Variants in PRKG1 observed in about 807,000 individuals in gnomAD.
The protein encoded by PRKG1 is cGMP-dependent protein kinase 1.
PRKG1 carries 35 observed loss-of-function variants against 88.1 expected under a neutral mutation model. The observed-to-expected ratio is 0.40, with a 90% CI of 0.30 to 0.53. The LOEUF is 0.53. PRKG1 is among the 20% of genes least tolerant of loss of function. The pLI, the probability that PRKG1 is intolerant of heterozygous loss-of-function variation, is 0.59. For missense variants in PRKG1, 540 were observed against 839.8 expected (o/e 0.64, Z 4.41); for synonymous variants, 303 against 292.5 (o/e 1.04, Z -0.37).
chr10:51,626,021 G>A (rs372860260), intron 3 of PRKG1, among the ~76,000 whole-genome samples: 78 of 152,216 alleles, frequency 5.1e-4, no homozygotes, highest in African/African-American at 1.7e-3. Flanking sequence ...TATTTTACTT[G>A]CTGCACGACA....
rs1554839812 is a variant in PRKG1 at position 51,138,683 on chromosome 10, T to TTG, written c.312-14480_312-14479insGT. 6.5e-4 allele frequency among the ~76,000 whole-genome samples: 83 copies of TTG among 128,076 alleles called. 1 individual carries two copies. The highest frequency in any genetic ancestry group is 2.2e-3 in the African/African-American group (78 of 35,008). 84.0% of individuals were successfully genotyped at this position (128,076 alleles called of 152,430 possible). A position where few individuals can be genotyped will look rare whatever the true frequency, so the allele number is the denominator to read the frequency against. ...TTTGGACATTGAGTTTTGTTTTTTT[T>TTG]TTTTTTTTTTTTTTTTTTGAGACAG... On this transcript the variant is annotated intron_variant, in intron 1 of 17. Coordinates refer to ENST00000373980, the MANE Select transcript of PRKG1 (RefSeq NM_006258.4).
chr10:51,387,717 C>T (rs1837289941), intron 2 of PRKG1, among the ~76,000 whole-genome samples: 1 of 152,104 alleles, frequency 6.6e-6, no homozygotes, highest in Admixed American at 6.6e-5. Flanking sequence ...TTTGCTAACT[C>T]CCTTTAGTTG....
chr10:51,566,078 T>C (rs546994330), intron 3 of PRKG1, among the ~76,000 whole-genome samples: 25 of 152,258 alleles, frequency 1.6e-4, no homozygotes, highest in African/African-American at 5.8e-4. Context: ...ATATAATGAT[T>C]GGTATCACTA....
intron 1 of PRKG1, among the ~76,000 whole-genome samples, chr10:51,096,696 T>A (rs576769977): frequency 6.6e-6 from 1 of 152,204 alleles, no homozygotes; most frequent in Admixed American, 6.5e-5. Context: ...ACAGAGATAA[T>A]AATAGTGTCC....
chr10:51,749,959 A>G (rs373802776), intron 3 of PRKG1, among the ~76,000 whole-genome samples: 2 of 143,952 alleles, frequency 1.4e-5, no homozygotes, highest in East Asian at 4.0e-4. Context: ...TTCCTGTGAC[A>G]GAGTCTTGCT....
intron 3 of PRKG1, among the ~76,000 whole-genome samples, chr10:51,482,695 G>A (rs1840398795): frequency 6.6e-6 from 1 of 152,126 alleles, no homozygotes; most frequent in African/African-American, 2.4e-5. Context: ...CCTAGGCAAG[G>A]GAGTATGGTG....
chr10:51,930,582 C>T lies in PRKG1; in HGVS notation c.762+23012C>T, dbSNP rs1026771001. 2.7e-5 allele frequency among the ~76,000 whole-genome samples: 4 copies of T among 145,928 alleles called. No homozygotes were observed. In the Admixed American group the frequency reaches 2.8e-4, roughly 10 times the overall value. On this transcript the variant is annotated intron_variant, in intron 5 of 17. Coordinates refer to ENST00000373980, the MANE Select transcript of PRKG1 (RefSeq NM_006258.4). ...CTCGGCTCACTGCAGCTTCTGCCTC[C>T]TGAGTTCAAGTGATTCTCGTGCCTC...
chr10:51,990,445 G>T (rs11000395), intron 5 of PRKG1, among the ~76,000 whole-genome samples: 15,472 of 152,016 alleles, frequency 0.1, 1,145 homozygotes, highest in East Asian at 0.31. Flanking sequence ...AGTAATATCA[G>T]TTCTTCCAAT....
At chr10:51,427,499 C>A (rs1464583798) in intron 2 of PRKG1, among the ~76,000 whole-genome samples, 1 of 152,136 alleles carries the variant, frequency 6.6e-6, no homozygotes, top group Non-Finnish European at 1.5e-5. Flanking sequence ...GAACTCCCTC[C>A]CAAGTTTTCT....
In PRKG1 at chr10:51,654,887, C is replaced by T. The variant is rs185997762; in HGVS notation, c.593-149698C>T. Reference sequence around the variant, plus strand: ...GAAGCTGACAGTGTACACAAATACCCTCCTACTGGGTGCATGTCTTCTTGT... The same window carrying T: ...GAAGCTGACAGTGTACACAAATACCTTCCTACTGGGTGCATGTCTTCTTGT... On this transcript the variant is annotated intron_variant, in intron 3 of 17. Coordinates refer to ENST00000373980, the MANE Select transcript of PRKG1 (RefSeq NM_006258.4). 4.3e-3 allele frequency among the ~76,000 whole-genome samples: 648 copies of T among 152,278 alleles called. 2 individuals are homozygous for T. The highest frequency in any genetic ancestry group is 0.015 in the African/African-American group (611 of 41,576).
intron 7 of PRKG1, among the ~76,000 whole-genome samples, chr10:52,127,163 AC>A (rs1181131416): frequency 6.6e-6 from 1 of 152,140 alleles, no homozygotes; most frequent in Non-Finnish European, 1.5e-5. Flanking sequence ...AACCAATATG[AC>A]CAAATATACA....
intron 5 of PRKG1, among the ~76,000 whole-genome samples, chr10:52,046,515 A>T (rs1825638744): frequency 6.6e-6 from 1 of 152,146 alleles, no homozygotes; most frequent in Admixed American, 6.6e-5. Context: ...GTATATCATG[A>T]TTACAATATG....
intron 3 of PRKG1, among the ~76,000 whole-genome samples, chr10:51,491,079 C>T (rs550994483): frequency 6.6e-6 from 1 of 152,006 alleles, no homozygotes; most frequent in East Asian, 1.9e-4. Context: ...CGTGCTTCTG[C>T]CTATCCAAAC....
chr10:51,226,070 G>A (rs1838684673), intron 2 of PRKG1, among the ~76,000 whole-genome samples: 1 of 152,026 alleles, frequency 6.6e-6, no homozygotes, highest in Admixed American at 6.5e-5. Flanking sequence ...CAGGTGTGGT[G>A]GCAGGCACCT....
At chr10:51,354,943 G>A (rs1388503964) in intron 2 of PRKG1, among the ~76,000 whole-genome samples, 1 of 152,078 alleles carries the variant, frequency 6.6e-6, no homozygotes, top group East Asian at 1.9e-4. Flanking sequence ...TCTGAGCATG[G>A]TAGCAAATGT....
At chr10:52,262,542 A>G (rs61849210) in intron 10 of PRKG1, among the ~76,000 whole-genome samples, 6,682 of 152,192 alleles carry the variant, frequency 0.044, 198 homozygotes, top group Middle Eastern at 0.088. Flanking sequence ...AAGTGCTGGG[A>G]TTACAGGCAT....
intron 7 of PRKG1, among the ~76,000 whole-genome samples, chr10:52,089,057 C>T (rs1388611164): frequency 6.6e-6 from 1 of 152,018 alleles, no homozygotes; most frequent in Non-Finnish European, 1.5e-5. Flanking sequence ...TTTAAAATAT[C>T]AAGTTTTTTT....
chr10:51,822,034 G>C (rs1839760737), intron 4 of PRKG1, among the ~76,000 whole-genome samples: 1 of 151,898 alleles, frequency 6.6e-6, no homozygotes, highest in Non-Finnish European at 1.5e-5. Flanking sequence ...ACAATAGACA[G>C]GGCATGGAAT....
intron 7 of PRKG1, among the ~76,000 whole-genome samples, chr10:52,064,271 C>T (rs1293030487): frequency 6.6e-6 from 1 of 152,228 alleles, no homozygotes; most frequent in East Asian, 1.9e-4. Flanking sequence ...AGGGGACTGG[C>T]ATGCCAGCAC....
Sources: gnomAD v4.1 joint callset for allele counts (sites outside exome capture counted in the v4.1 genomes callset) on GRCh38, gnomAD v4.1.1 for gene constraint, MANE v1.5 for transcripts, NCBI Gene and HGNC (gene_info 2026-07-23, HGNC 2026-07-21) for gene names.